SLC4A4: variants seen among roughly 807,000 people sequenced by gnomAD.
The protein encoded by SLC4A4 is solute carrier family 4 member 4, also known as electrogenic sodium bicarbonate cotransporter 1.
Under a neutral mutation model 111.5 loss-of-function variants are expected in SLC4A4, and 27 were observed. The observed-to-expected ratio is 0.24, with a 90% CI of 0.18 to 0.33. The LOEUF (loss-of-function observed/expected upper bound fraction) is 0.33, where lower values mean the gene tolerates loss of function less well. Among genes scored for constraint, SLC4A4 ranks in the 10% least tolerant of loss-of-function variants. The probability of loss-of-function intolerance (pLI) is 1.00; values close to 1 mark genes in which losing one functional copy is unlikely to be tolerated. For missense variants in SLC4A4, 909 were observed against 1,315.5 expected (o/e 0.69, Z 4.78); for synonymous variants, 443 against 463.4 (o/e 0.96, Z 0.57).
intron 2 of SLC4A4, among the ~76,000 whole-genome samples, chr4:71,174,895 T>C (rs965186556): frequency 2.0e-5 from 3 of 152,162 alleles, no homozygotes; most frequent in African/African-American, 7.2e-5. Context: ...CTTCCGAAAA[T>C]CTTTTTGTCC....
intron 16 of SLC4A4, among the ~76,000 whole-genome samples, chr4:71,527,385 A>C (rs1385305543): frequency 6.6e-6 from 1 of 152,096 alleles, no homozygotes; most frequent in Admixed American, 6.6e-5. Context: ...TAAAAGAAAG[A>C]AGAGTTGAGT....
intron 18 of SLC4A4, among the ~76,000 whole-genome samples, chr4:71,534,645 A>C (rs1734253283): frequency 1.3e-5 from 2 of 152,144 alleles, no homozygotes; most frequent in South Asian, 4.1e-4. Flanking sequence ...TACAAACATA[A>C]TTTACTATTT....
chr4:71,179,567 A>C (rs1189892210), intron 2 of SLC4A4, among the ~76,000 whole-genome samples: 1 of 151,728 alleles, frequency 6.6e-6, no homozygotes, highest in Non-Finnish European at 1.5e-5. Context: ...AATAACAGAC[A>C]GAGAGCCAAA....
At chr4:71,511,496 G>T (rs1023605416) in intron 16 of SLC4A4, among the ~76,000 whole-genome samples, 1 of 151,856 alleles carries the variant, frequency 6.6e-6, no homozygotes, top group African/African-American at 2.4e-5. Context: ...AAAGCTGAGT[G>T]CTAATTTTCT....
At chr4:71,164,137 T>A (rs1327605424) in intron 2 of SLC4A4, among the ~76,000 whole-genome samples, 1 of 152,122 alleles carries the variant, frequency 6.6e-6, no homozygotes, top group Admixed American at 6.5e-5. Context: ...TCCCAGCATT[T>A]TGGGAGGCCA....
At chr4:71,364,327 C>A (rs1411715507) in intron 6 of SLC4A4, among the ~76,000 whole-genome samples, 2 of 152,130 alleles carry the variant, frequency 1.3e-5, no homozygotes, top group Non-Finnish European at 2.9e-5. Flanking sequence ...ATGTCTTATT[C>A]TGTGCATATA....
intron 2 of SLC4A4, among the ~76,000 whole-genome samples, chr4:71,254,371 C>G (rs952370670): frequency 6.6e-6 from 1 of 152,078 alleles, no homozygotes; most frequent in African/African-American, 2.4e-5. Context: ...TTTTGCAGCT[C>G]CTTCCATCTA....
At chr4:71,069,775 T>A (rs1197589301) in intron 1 of SLC4A4, among the ~76,000 whole-genome samples, 1 of 152,234 alleles carries the variant, frequency 6.6e-6, no homozygotes, top group Non-Finnish European at 1.5e-5. Flanking sequence ...ACAACTACTT[T>A]AAGCCAGAAT....
At chr4:71,134,559 C>T (rs905598760) in intron 2 of SLC4A4, among the ~76,000 whole-genome samples, 3 of 152,234 alleles carry the variant, frequency 2.0e-5, no homozygotes, top group Non-Finnish European at 4.4e-5. Context: ...GACCCTCCTA[C>T]TTGCTCTGTG....
chr4:71,078,962 G>A (rs1741919754), intron 1 of SLC4A4, among the ~76,000 whole-genome samples: 1 of 152,060 alleles, frequency 6.6e-6, no homozygotes, highest in Non-Finnish European at 1.5e-5. Flanking sequence ...AGGATTACAG[G>A]CATGCATCAC....
rs532541640 is a variant in SLC4A4 at position 71,301,746 on chromosome 4, T to C, written c.254-37624T>C. 5.3e-5 allele frequency among the ~76,000 whole-genome samples: 8 copies of C among 152,336 alleles called. No individual in the cohort carries two copies. In the South Asian group the frequency reaches 1.7e-3, roughly 32 times the overall value. On this transcript the variant is annotated intron_variant, in intron 3 of 25. Transcript: ENST00000264485. ...GCCCAATACAGCTGATGTCTTCAGT[T>C]TGGCCACCACAGCCAGCCAGGAATC...
At chr4:71,271,747 T>C (rs1306705313) in intron 3 of SLC4A4, among the ~76,000 whole-genome samples, 1 of 152,170 alleles carries the variant, frequency 6.6e-6, no homozygotes, top group African/African-American at 2.4e-5. Flanking sequence ...CAACAAAAAT[T>C]TGTAGCTACT....
At chr4:71,376,225 G>C (rs765268126) in intron 6 of SLC4A4, among the ~76,000 whole-genome samples, 1 of 142,034 alleles carries the variant, frequency 7.0e-6, no homozygotes, top group Non-Finnish European at 1.5e-5. Context: ...TTTTTGAGAC[G>C]GAGTCTCGCT....
At position 71,159,177 on chromosome 4, in the gene SLC4A4, T is replaced by G. The variant is rs569622673; in HGVS notation, c.-2+66385T>G. Among the ~76,000 whole-genome samples the G allele has an allele frequency of 5.9e-5, 9 of 152,328 alleles. 1 individual carries two copies. The South Asian group carries it at 1.9e-3, about 32-fold the overall frequency. ...TCATGCCTTGCATATAGCACTCTTC[T>G]GCAACTTACTGACTTTTTCCTAACA... On this transcript the variant is annotated intron_variant, in intron 2 of 26. Transcript: ENST00000649996.
chr4:71,321,059 C>A (rs1429319025), intron 3 of SLC4A4, among the ~76,000 whole-genome samples: 1 of 151,906 alleles, frequency 6.6e-6, no homozygotes, highest in Non-Finnish European at 1.5e-5. Flanking sequence ...GGGGTGAATT[C>A]TTTACTTTTG....
At chr4:71,559,665 T>C (rs1171935368) in intron 22 of SLC4A4, among the ~76,000 whole-genome samples, 5 of 151,886 alleles carry the variant, frequency 3.3e-5, no homozygotes, top group African/African-American at 1.2e-4. Flanking sequence ...CTTAGTGTTA[T>C]ATGTGTCGTA....
chr4:71,235,692 G>A (rs191383656), intron 1 of SLC4A4, among the ~76,000 whole-genome samples: 5 of 152,306 alleles, frequency 3.3e-5, no homozygotes, highest in East Asian at 3.9e-4. Context: ...GTTTGGCATC[G>A]GGAGGCCCTA....
intron 6 of SLC4A4, among the ~76,000 whole-genome samples, chr4:71,377,041 G>A (rs1328586966): frequency 3.9e-5 from 6 of 152,192 alleles, no homozygotes; most frequent in Admixed American, 3.9e-4. Context: ...TAAGATATAC[G>A]ACTTATGTTA....
At chr4:71,539,501 C>T (rs1007666601) in intron 18 of SLC4A4, among the ~76,000 whole-genome samples, 5 of 152,138 alleles carry the variant, frequency 3.3e-5, no homozygotes, top group Non-Finnish European at 7.4e-5. Context: ...TTAAGCGTGA[C>T]AGTTTCTTCT....
Sources: gnomAD v4.1 joint callset for allele counts (sites outside exome capture counted in the v4.1 genomes callset) on GRCh38, gnomAD v4.1.1 for gene constraint, MANE v1.5 for transcripts, NCBI Gene and HGNC (gene_info 2026-07-23, HGNC 2026-07-21) for gene names.